SCTR: variants seen among roughly 807,000 people sequenced by gnomAD.
The protein encoded by SCTR is secretin receptor.
In SCTR, 56 loss-of-function variants were observed where a neutral mutation model predicts 60.8. The ratio of observed to expected loss-of-function variants is 0.92; its 90% CI spans 0.74 to 1.15. The LOEUF is 1.15. Among genes scored for constraint, SCTR ranks in the 50% most tolerant of loss-of-function variants. The pLI is 0.00. For synonymous variants in SCTR, 202 were observed against 217.0 expected, an observed-to-expected ratio of 0.93 and a Z score of 0.61; for missense variants, 562 against 550.4, an observed-to-expected ratio of 1.02 and a Z score of -0.21.
intron 6 of SCTR, 124 bp downstream of exon 6, chr2:119,463,999 T>C (rs1025307554): frequency 1.0e-5 from 10 of 1,002,116 alleles, no homozygotes; most frequent in Non-Finnish European, 1.5e-5. Context: ...TGCTTTATCC[T>C]TGGTATTAAG....
At chr2:119,523,453 GC>G (rs1679354151) in intron 1 of SCTR, among the ~76,000 whole-genome samples, 1 of 149,060 alleles carries the variant, frequency 6.7e-6, no homozygotes, top group South Asian at 2.1e-4. Context: ...TCCTCCTCCA[GC>G]CCCTTGCCAG....
intron 2 of SCTR, among the ~76,000 whole-genome samples, chr2:119,492,591 T>A (rs1355934515): frequency 6.6e-6 from 1 of 152,232 alleles, no homozygotes; most frequent in Non-Finnish European, 1.5e-5. Flanking sequence ...CCATTTAAAG[T>A]GTACAATTTA....
intron 2 of SCTR, among the ~76,000 whole-genome samples, chr2:119,492,804 C>G (rs1678185414): frequency 6.6e-6 from 1 of 151,664 alleles, no homozygotes; most frequent in African/African-American, 2.4e-5. Context: ...TGAAATCATA[C>G]AGTGTGTTCC....
intron 4 of SCTR, 58 bp downstream of exon 4, chr2:119,473,395 C>G: frequency 8.0e-7 from 1 of 1,242,672 alleles, no homozygotes. Flanking sequence ...CTCCCAGGGC[C>G]TCCTCACCCT....
intron 2 of SCTR, among the ~76,000 whole-genome samples, chr2:119,488,178 T>G (rs1335860393): frequency 6.6e-6 from 1 of 152,228 alleles, no homozygotes; most frequent in African/African-American, 2.4e-5. Flanking sequence ...CTTTCCTAAA[T>G]GCACACTGCA....
chr2:119,462,484 G>A (rs1400535757), intron 6 of SCTR, among the ~76,000 whole-genome samples: 1 of 152,208 alleles, frequency 6.6e-6, no homozygotes, highest in Non-Finnish European at 1.5e-5. Context: ...ACTGATTATG[G>A]TAAAAATGGC....
intron 7 of SCTR, among the ~76,000 whole-genome samples, chr2:119,456,512 C>A (rs1042916713): frequency 1.3e-5 from 2 of 151,854 alleles, no homozygotes; most frequent in South Asian, 4.2e-4. Flanking sequence ...GAGAGTGAAC[C>A]AAAGACAGGG....
intron 2 of SCTR, among the ~76,000 whole-genome samples, chr2:119,489,333 T>C (rs1339857908): frequency 1.3e-5 from 2 of 152,156 alleles, no homozygotes; most frequent in Non-Finnish European, 2.9e-5. Context: ...CACTCTCTCC[T>C]TGGGGCCAGC....
At chr2:119,469,659 A>G (rs1393852077) in intron 4 of SCTR, among the ~76,000 whole-genome samples, 2 of 152,094 alleles carry the variant, frequency 1.3e-5, no homozygotes, top group African/African-American at 4.8e-5. Context: ...TCAGCTACTT[A>G]AAAAAATTTT....
chr2:119,519,170 G>A (rs1315732986), intron 1 of SCTR, among the ~76,000 whole-genome samples: 1 of 152,024 alleles, frequency 6.6e-6, no homozygotes, highest in African/African-American at 2.4e-5. Context: ...CTCCATGTTG[G>A]TCGGACTGGT....
intron 2 of SCTR, among the ~76,000 whole-genome samples, chr2:119,487,924 T>G (rs1677946697): frequency 6.6e-6 from 1 of 151,896 alleles, no homozygotes; most frequent in African/African-American, 2.4e-5. Context: ...CACACAGGTG[T>G]CAGGATAGAG....
At chr2:119,440,416 A>G (rs538825367) in intron 12 of SCTR, among the ~76,000 whole-genome samples, 159 bp from the exon 13 acceptor site, 9 of 152,234 alleles carry the variant, frequency 5.9e-5, no homozygotes, top group Admixed American at 3.9e-4. Context: ...TCCAGCCCCA[A>G]TGTCCAGTAG....
At chr2:119,481,372 A>G (rs1250731714) in intron 2 of SCTR, among the ~76,000 whole-genome samples, 1 of 152,156 alleles carries the variant, frequency 6.6e-6, no homozygotes, top group Admixed American at 6.5e-5. Context: ...CCTCCAGCCT[A>G]CATCAGAATG....
chr2:119,508,062 C>T (rs1303929434), intron 1 of SCTR, among the ~76,000 whole-genome samples: 1 of 152,162 alleles, frequency 6.6e-6, no homozygotes, highest in Non-Finnish European at 1.5e-5. Flanking sequence ...CCCACTTAGA[C>T]ACTACAGTTT....
intron 11 of SCTR, among the ~76,000 whole-genome samples, chr2:119,443,965 A>C (rs1373289081): frequency 6.6e-6 from 1 of 152,026 alleles, no homozygotes; most frequent in Non-Finnish European, 1.5e-5. Flanking sequence ...AAATAACATG[A>C]TGTTTTGAAT....
intron 1 of SCTR, among the ~76,000 whole-genome samples, chr2:119,501,762 A>T (rs527254995): frequency 2.6e-5 from 4 of 151,230 alleles, no homozygotes; most frequent in Middle Eastern, 3.4e-3. Context: ...ATGATACACC[A>T]ATCAAAAAAT....
chr2:119,513,291 G>T (rs1679014048), intron 1 of SCTR, among the ~76,000 whole-genome samples: 1 of 152,122 alleles, frequency 6.6e-6, no homozygotes, highest in South Asian at 2.1e-4. Flanking sequence ...CTCTTTGTAT[G>T]GGTTTATACC....
intron 8 of SCTR, among the ~76,000 whole-genome samples, chr2:119,452,686 A>C (rs1229277250): frequency 6.6e-6 from 1 of 152,172 alleles, no homozygotes; most frequent in Non-Finnish European, 1.5e-5. Context: ...AGACACTTGG[A>C]TGTCTCATTT....
chr2:119,476,468 C>T (rs1449206082), intron 3 of SCTR: 1 of 152,310 alleles, frequency 6.6e-6, no homozygotes, highest in Non-Finnish European at 1.5e-5. Context: ...ACCCCAGCTT[C>T]CATCCTCACG....
Sources: allele counts gnomAD v4.1 joint callset (sites outside exome capture counted in the v4.1 genomes callset), GRCh38; gene constraint gnomAD v4.1.1; transcripts MANE v1.5; gene names NCBI Gene and HGNC (gene_info 2026-07-23, HGNC 2026-07-21).